FBXL7: variants seen among roughly 807,000 people sequenced by gnomAD.
FBXL7 encodes the protein F-box/LRR-repeat protein 7.
A neutral mutation model predicts 38.3 loss-of-function variants in FBXL7; 12 were observed. That is an observed-to-expected ratio of 0.31 (90% confidence interval 0.20 to 0.51). FBXL7 has a LOEUF of 0.51. Ranked by LOEUF, FBXL7 falls within the 20% of genes least tolerant of loss-of-function variation. FBXL7 has a pLI of 0.98. For synonymous variants in FBXL7, 297 were observed against 300.9 expected (o/e 0.99, Z 0.13); for missense variants, 567 against 676.4 (o/e 0.84, Z 1.79).
intron 2 of FBXL7, among the ~76,000 whole-genome samples, chr5:15,702,612 A>T (rs899090326): frequency 3.9e-5 from 6 of 152,080 alleles, no homozygotes; most frequent in Non-Finnish European, 7.4e-5. Context: ...CTCCTTTTTT[A>T]AAAAAATAAA....
chr5:15,881,790 T>C (rs962440055), intron 2 of FBXL7, among the ~76,000 whole-genome samples: 16 of 152,208 alleles, frequency 1.1e-4, no homozygotes, highest in African/African-American at 3.9e-4. Flanking sequence ...AGGGCAAACA[T>C]ATTCATTTGT....
rs1282786282 is a variant in FBXL7, at chr5:15,596,873, A to G, written c.38-19110A>G. ...ATGGACGCTCCATGCCCCTTCCCAC[A>G]TACCTCGCCCTGTGCATCTCTTCAT... On this transcript the variant is annotated intron_variant, in intron 1 of 3. Transcript: ENST00000504595. Among the ~76,000 whole-genome samples, 5 of 152,172 alleles carry G rather than the reference A, an allele frequency of 3.3e-5. No individual in the cohort carries two copies. In the East Asian group the frequency reaches 9.6e-4, roughly 29 times the overall value.
chr5:15,558,956 C>T (rs1055604315), intron 1 of FBXL7, among the ~76,000 whole-genome samples: 5 of 152,104 alleles, frequency 3.3e-5, no homozygotes, highest in African/African-American at 1.2e-4. Flanking sequence ...CTTAACTCGT[C>T]GTGGGTCATG....
chr5:15,584,569 C>G (rs1739248648), intron 1 of FBXL7, among the ~76,000 whole-genome samples: 1 of 152,194 alleles, frequency 6.6e-6, no homozygotes, highest in South Asian at 2.1e-4. Flanking sequence ...ACATCACTAT[C>G]AGCATTTTGG....
At chr5:15,599,708 G>T (rs201081986) in intron 1 of FBXL7, among the ~76,000 whole-genome samples, 1 of 152,152 alleles carries the variant, frequency 6.6e-6, no homozygotes, top group Non-Finnish European at 1.5e-5. Flanking sequence ...AGTTATTAAG[G>T]GAGTCAGTGT....
intron 2 of FBXL7, among the ~76,000 whole-genome samples, chr5:15,826,684 G>A (rs1049613045): frequency 1.3e-5 from 2 of 152,122 alleles, no homozygotes; most frequent in Non-Finnish European, 2.9e-5. Context: ...CTCCCTAAGT[G>A]CTGGGATTAC....
intron 2 of FBXL7, among the ~76,000 whole-genome samples, chr5:15,671,270 T>A (rs781626259): frequency 1.6e-4 from 24 of 152,194 alleles, no homozygotes; most frequent in Non-Finnish European, 3.5e-4. Context: ...TTTCACTGTA[T>A]CCCTTTAATT....
intron 1 of FBXL7, among the ~76,000 whole-genome samples, chr5:15,558,932 A>G (rs945730471): frequency 6.6e-6 from 1 of 152,152 alleles, no homozygotes; most frequent in Admixed American, 6.5e-5. Context: ...GAGCCATGTG[A>G]TCTCCACAAG....
At chr5:15,740,609 G>A (rs1017943860) in intron 2 of FBXL7, among the ~76,000 whole-genome samples, 1 of 152,130 alleles carries the variant, frequency 6.6e-6, no homozygotes, top group Admixed American at 6.6e-5. Flanking sequence ...ACAAATGAGG[G>A]TGTTTATATA....
At chr5:15,917,739 C>T (rs1443265898) in intron 2 of FBXL7, among the ~76,000 whole-genome samples, 3 of 149,788 alleles carry the variant, frequency 2.0e-5, no homozygotes, top group African/African-American at 4.9e-5. Flanking sequence ...CGAAATACTA[C>T]TGCCTGCCAA....
In FBXL7 at chr5:15,647,229, A is replaced by G. The variant is rs111632608; in HGVS notation, c.127+31157A>G. On this transcript the variant is annotated intron_variant, in intron 2 of 3. Coordinates refer to ENST00000504595, the MANE Select transcript of FBXL7 (RefSeq NM_012304.5). ...TTAATAAGTGCATTTGATCCTCACA[A>G]ATTCTTATGGTTTAAATCGGATAAG... 2.0e-5 allele frequency among the ~76,000 whole-genome samples: 3 copies of G among 152,342 alleles called. No individual in the cohort carries two copies. The East Asian group carries it at 5.8e-4, about 29-fold the overall frequency.
chr5:15,694,578 A>T (rs1743274160), intron 2 of FBXL7, among the ~76,000 whole-genome samples: 1 of 152,160 alleles, frequency 6.6e-6, no homozygotes, highest in Non-Finnish European at 1.5e-5. Flanking sequence ...GGAGCACAAA[A>T]CAGATCTTTT....
intron 2 of FBXL7, among the ~76,000 whole-genome samples, chr5:15,826,237 A>T (rs929969115): frequency 2.0e-5 from 3 of 152,202 alleles, no homozygotes; most frequent in African/African-American, 7.2e-5. Flanking sequence ...TGAAAATACT[A>T]GAGAGAGTTC....
chr5:15,671,145 C>T (rs1394509573), intron 2 of FBXL7, among the ~76,000 whole-genome samples: 2 of 152,168 alleles, frequency 1.3e-5, no homozygotes, highest in African/African-American at 4.8e-5. Context: ...GGTGTGTGCT[C>T]AGCTCCTCCC....
At chr5:15,905,203 A>G (rs951745468) in intron 2 of FBXL7, among the ~76,000 whole-genome samples, 7 of 152,268 alleles carry the variant, frequency 4.6e-5, no homozygotes, top group African/African-American at 7.2e-5. Context: ...TCTTTTAGCT[A>G]TAAGCCATGC....
chr5:15,926,925 G>A (rs1041161067), intron 2 of FBXL7, among the ~76,000 whole-genome samples: 3 of 151,726 alleles, frequency 2.0e-5, no homozygotes, highest in Non-Finnish European at 1.5e-5. Flanking sequence ...CCTGTCTTCT[G>A]AAACTCACTC....
At chr5:15,660,918 A>G (rs74450014) in intron 2 of FBXL7, among the ~76,000 whole-genome samples, 1 of 151,756 alleles carries the variant, frequency 6.6e-6, no homozygotes, top group African/African-American at 2.4e-5. Flanking sequence ...ATTTTTTTTT[A>G]TGATTCTGGT....
chr5:15,634,407 C>G (rs1290504497), intron 2 of FBXL7, among the ~76,000 whole-genome samples: 2 of 149,304 alleles, frequency 1.3e-5, no homozygotes, highest in African/African-American at 4.9e-5. Context: ...CTGCAACCCC[C>G]GCCTCCGAAG....
intron 2 of FBXL7, among the ~76,000 whole-genome samples, chr5:15,644,149 T>C (rs1741452921): frequency 6.6e-6 from 1 of 151,576 alleles, no homozygotes. Flanking sequence ...CAAGGGAAAA[T>C]ACAGCAGCAA....
Sources: allele counts gnomAD v4.1 joint callset (sites outside exome capture counted in the v4.1 genomes callset), GRCh38; gene constraint gnomAD v4.1.1; transcripts MANE v1.5; gene names NCBI Gene and HGNC (gene_info 2026-07-23, HGNC 2026-07-21).